The following SUSD1 variants were observed in gnomAD, a reference collection of about 807,000 sequenced individuals.
The protein encoded by SUSD1 is sushi domain containing 1.
In SUSD1, 65 loss-of-function variants were observed where a neutral mutation model predicts 86.9. That is an observed-to-expected ratio of 0.75 (90% CI 0.61 to 0.92). The LOEUF (loss-of-function observed/expected upper bound fraction) is 0.92. SUSD1 is among the 40% of genes least tolerant of loss of function. The probability of loss-of-function intolerance (pLI) is 0.00; values close to 1 mark genes in which losing one functional copy is unlikely to be tolerated. For missense variants in SUSD1, 850 were observed against 929.7 expected (o/e 0.91, Z 1.11); for synonymous variants, 346 against 350.0 (o/e 0.99, Z 0.13).
At chr9:112,141,385 G>C (rs543479658) in intron 5 of SUSD1, among the ~76,000 whole-genome samples, 37 of 152,258 alleles carry the variant, frequency 2.4e-4, no homozygotes, top group African/African-American at 7.7e-4. Context: ...GATTAGATAT[G>C]CCAAATATCA....
chr9:112,049,970 C>T (rs1828118244), intron 15 of SUSD1, among the ~76,000 whole-genome samples: 1 of 152,178 alleles, frequency 6.6e-6, no homozygotes, highest in African/African-American at 2.4e-5. Context: ...ATGACTGCAG[C>T]CAGCTCTTTG....
intron 12 of SUSD1, among the ~76,000 whole-genome samples, chr9:112,067,570 G>A (rs1420445200): frequency 6.6e-6 from 1 of 152,220 alleles, no homozygotes; most frequent in Non-Finnish European, 1.5e-5. Context: ...TAGGGAAGTG[G>A]TCCTTATGCA....
chr9:112,106,308 A>C (rs1369259486), intron 8 of SUSD1, among the ~76,000 whole-genome samples: 3 of 152,048 alleles, frequency 2.0e-5, no homozygotes, highest in Non-Finnish European at 2.9e-5. Flanking sequence ...ACACCTTCTA[A>C]CTCTTCTTTC....
intron 1 of SUSD1, among the ~76,000 whole-genome samples, chr9:112,172,557 A>G (rs1834090085): frequency 6.6e-6 from 1 of 152,224 alleles, no homozygotes; most frequent in Non-Finnish European, 1.5e-5. Flanking sequence ...CTCCAAATCC[A>G]TAACAGCACC....
chr9:112,099,755 C>T (rs1424416926), intron 9 of SUSD1, among the ~76,000 whole-genome samples: 8 of 152,196 alleles, frequency 5.3e-5, no homozygotes, highest in Admixed American at 5.2e-4. Context: ...CCCTCAATCC[C>T]TCCTTATTCC....
intron 14 of SUSD1, among the ~76,000 whole-genome samples, chr9:112,053,470 C>T (rs1403300633): frequency 1.6e-5 from 2 of 127,692 alleles, no homozygotes; most frequent in African/African-American, 6.0e-5. Context: ...GCCAAGACCA[C>T]ACCATTGCAC....
intron 15 of SUSD1, among the ~76,000 whole-genome samples, chr9:112,050,445 T>A (rs903775218): frequency 2.0e-5 from 3 of 152,188 alleles, no homozygotes; most frequent in Non-Finnish European, 2.9e-5. Flanking sequence ...GGAAGCCTAA[T>A]TCCCCAGGCC....
intron 10 of SUSD1, among the ~76,000 whole-genome samples, chr9:112,085,468 A>T (rs897570082): frequency 1.3e-5 from 2 of 152,234 alleles, no homozygotes; most frequent in African/African-American, 4.8e-5. Context: ...GGCAACTGGG[A>T]CACATAGAGG....
At chr9:112,143,336 A>T in intron 4 of SUSD1, 135 bp downstream of exon 4, 1 of 855,874 alleles carries the variant, frequency 1.2e-6, no homozygotes, top group Non-Finnish European at 1.7e-6. Flanking sequence ...TATTTGCTTT[A>T]TGTCATAGGT....
intron 7 of SUSD1, 39 bp from the exon 8 acceptor site, chr9:112,111,879 A>G: frequency 1.9e-6 from 3 of 1,599,152 alleles, no homozygotes; most frequent in Admixed American, 3.4e-5. Context: ...CTCTGACTCC[A>G]GTCAAAACAA....
At chr9:112,041,599 G>C (rs556968375) in intron 16 of SUSD1, 107 bp from the exon 17 acceptor site, 10 of 755,900 alleles carry the variant, frequency 1.3e-5, no homozygotes, top group East Asian at 2.5e-5. Flanking sequence ...GAGGAGGCGA[G>C]GGGGAGCAGC....
chr9:112,108,922 C>T (rs7040124), intron 8 of SUSD1, among the ~76,000 whole-genome samples: 20,301 of 151,208 alleles, frequency 0.13, 1,514 homozygotes, highest in Admixed American at 0.2. Flanking sequence ...GTTCATCCCT[C>T]GGGGAAAAAA....
chr9:112,078,666 T>C lies in SUSD1; in HGVS notation c.1625A>G (p.Asn542Ser), dbSNP rs1829629333. ...QKEFAQEMTF[N>S]ISSSSRDPEV... ...GGGATCTCGGCTGCTGCTACTGATA[T>C]TAAAGGTCATTTCCTGGGCAAATTC... Residue 542 changes from asparagine (N) to serine (S), a missense_variant, in exon 12 of 17, where the codon AAT (asparagine) becomes AGT (serine). By Grantham distance (46) the Asn-to-Ser change is conservative. Coordinates refer to ENST00000374270, the MANE Select transcript of SUSD1 (RefSeq NM_022486.5). 1.2e-6 allele frequency: 2 copies of C among 1,613,942 alleles called. No homozygotes were observed. Among genetic ancestry groups the C allele is most frequent in the Admixed American group, 1.7e-5 (1 of 59,990 alleles).
In SUSD1 at chr9:112,157,618, A is replaced by G; in HGVS notation, c.104-5T>C. ...AAGTGGCACAGACGTCTAAACCTGAATCATAAATTGTATGTTTCAGAAAAA... is the reference window on the plus strand; with the variant it reads ...AAGTGGCACAGACGTCTAAACCTGAGTCATAAATTGTATGTTTCAGAAAAA... On this transcript the variant is annotated splice_region_variant and splice_polypyrimidine_tract_variant and intron_variant, in intron 1 of 16. Coordinates refer to ENST00000374270, the MANE Select transcript of SUSD1 (RefSeq NM_022486.5). 1 of 1,607,696 alleles carries G rather than the reference A, an allele frequency of 6.2e-7. No individual in the cohort carries two copies. Among genetic ancestry groups the G allele is most frequent in the African/African-American group, 1.3e-5 (1 of 74,862 alleles).
At chr9:112,064,046 T>TTTTTTTTTTTTTTTTTTTTGG (rs1491139474) in intron 12 of SUSD1, among the ~76,000 whole-genome samples, 4 of 78,650 alleles carry the variant, frequency 5.1e-5, no homozygotes, top group East Asian at 3.4e-4. Flanking sequence ...TTTCTTTTTT[T>TTTTTTTTTTTTTTTTTTTTGG]GGGGGGGGGG....
chr9:112,090,966 A>G (rs1830182185), intron 10 of SUSD1, among the ~76,000 whole-genome samples: 1 of 152,210 alleles, frequency 6.6e-6, no homozygotes, highest in African/African-American at 2.4e-5. Flanking sequence ...ATTTAGCTGA[A>G]GGCTCCAATT....
At chr9:112,064,877 GA>G (rs558673175) in intron 12 of SUSD1, among the ~76,000 whole-genome samples, 272 of 87,980 alleles carry the variant, frequency 3.1e-3, no homozygotes, top group East Asian at 0.016. Context: ...CTCTGTCTCA[GA>G]AAAAAAAAAA....
intron 5 of SUSD1, among the ~76,000 whole-genome samples, chr9:112,126,155 C>T (rs1427351338): frequency 6.6e-6 from 1 of 152,196 alleles, no homozygotes; most frequent in Non-Finnish European, 1.5e-5. Flanking sequence ...TGCCTAGTCA[C>T]ATTGTTGACA....
At chr9:112,130,418 G>A (rs984515450) in intron 5 of SUSD1, among the ~76,000 whole-genome samples, 2 of 149,544 alleles carry the variant, frequency 1.3e-5, no homozygotes, top group African/African-American at 4.9e-5. Flanking sequence ...GGAGGGGAGG[G>A]GAAAGAGGAG....
Sources: gnomAD v4.1 joint callset for allele counts (sites outside exome capture counted in the v4.1 genomes callset) on GRCh38, gnomAD v4.1.1 for gene constraint, MANE v1.5 for transcripts, NCBI Gene and HGNC (gene_info 2026-07-23, HGNC 2026-07-21) for gene names.